The following TRIP10 variants were observed in gnomAD, a reference collection of about 807,000 sequenced individuals.
TRIP10 encodes the protein cdc42-interacting protein 4.
In TRIP10, 54 loss-of-function variants were observed where a neutral mutation model predicts 80.9. The observed-to-expected ratio is 0.67, with a 90% CI of 0.54 to 0.84. TRIP10 has a LOEUF of 0.84. Among genes scored for constraint, TRIP10 ranks in the 40% least tolerant of loss-of-function variants. The pLI, the probability that TRIP10 is intolerant of heterozygous loss-of-function variation, is 0.00. For missense variants in TRIP10, 773 were observed against 815.3 expected (o/e 0.95, Z 0.63); for synonymous variants, 321 against 307.2 (o/e 1.04, Z -0.47).
At chr19:6,742,903 G>A (rs556041711) in intron 3 of TRIP10, 64 bp from the exon 4 acceptor site, 3 of 1,589,560 alleles carry the variant, frequency 1.9e-6, no homozygotes, top group East Asian at 4.5e-5. Flanking sequence ...GTGCGTCCTG[G>A]GGCATCAGCC....
chr19:6,740,068 G>A (rs1222382315), intron 1 of TRIP10, among the ~76,000 whole-genome samples: 1 of 152,124 alleles, frequency 6.6e-6, no homozygotes, highest in Non-Finnish European at 1.5e-5. Context: ...GCTGAGAGAG[G>A]TCACCTATTT....
Position 6,742,816 on chromosome 19 carries a change from G to A in TRIP10, c.198-151G>A, listed in dbSNP as rs887696171. On this transcript the variant is annotated intron_variant, in intron 3 of 14. Transcript: ENST00000313244. ...AAAAAAAAATCTACTCAAGGGTTGG[G>A]GTTAAGGAATATGGACCAGAATTTG... The A allele has an allele frequency of 2.4e-5, 25 of 1,044,512 alleles. No homozygotes were observed. In the African/African-American group the frequency reaches 3.9e-4, roughly 16 times the overall value. The allele number at this position is 1,044,512 out of a possible 1,614,324, so 64.7% of individuals were successfully genotyped here.
At position 6,751,511 on chromosome 19, in the gene TRIP10, T is replaced by G; in HGVS notation, c.*300T>G. The G allele has an allele frequency of 1.7e-6, 1 of 582,192 alleles. No homozygotes were observed. The highest frequency in any genetic ancestry group is 2.6e-6 in the Non-Finnish European group (1 of 381,536). 36.1% of individuals were successfully genotyped at this position (582,192 alleles called of 1,614,324 possible). On this transcript the variant is annotated 3_prime_UTR_variant, in exon 15 of 15. Transcript: ENST00000313244. ...AAAAAAAAAAAGAAATTATATAAAG[T>G]TCCTAGAGTCGGTGTCTTATTAGAG...
rs1969131869 is a variant in TRIP10 at position 6,746,348 on chromosome 19, T to TCAAG, written c.1153-103_1153-100dup. On this transcript the variant is annotated intron_variant, in intron 10 of 14. Coordinates refer to ENST00000313244, the MANE Select transcript of TRIP10 (RefSeq NM_001288962.2). This position sits in a 1 kb window ranked among gnomAD's most constrained non-coding sequence, Gnocchi z 6.2. The stretch of plus-strand genomic sequence containing the variant: ...CTTTGCTCTGTGCATGGCTTCGCTG[T>TCAAG]CAAGAACCATGGCTGGGGAAGGGAG... 14 of 1,549,740 alleles carry TCAAG rather than the reference T, an allele frequency of 9.0e-6. No homozygotes were observed. Among genetic ancestry groups the TCAAG allele is most frequent in the Middle Eastern group, 1.7e-4 (1 of 5,798 alleles).
rs112745359 is a variant in TRIP10, at chr19:6,744,615, C to T, written c.704C>T (p.Ser235Leu). The T allele has an allele frequency of 1.5e-5, 25 of 1,613,770 alleles. No homozygotes were observed. In the South Asian group the frequency reaches 1.8e-4, roughly 11 times the overall value. ...TRLGAGYGLLSEAELEVVPII... is the reference protein window; with the variant it reads ...TRLGAGYGLLLEAELEVVPII... ...CTGGGTGCCGGGTATGGGCTCCTGT[C>T]GGAGGCCGAGCTGGAGGTGGTGCCC... Residue 235 changes from serine to leucine, a missense_variant, in exon 8 of 15, where the codon TCG becomes TTG. Physicochemically the swap from Ser to Leu is moderately radical, Grantham distance 145. Coordinates refer to ENST00000313244, the MANE Select transcript of TRIP10 (RefSeq NM_001288962.2). This position sits in a 1 kb window ranked among gnomAD's most constrained non-coding sequence, Gnocchi z 4.9.
At position 6,746,642 on chromosome 19, in the gene TRIP10, AT is replaced by A; in HGVS notation, c.1262+85del. On this transcript the variant is annotated intron_variant, in intron 11 of 14. Coordinates refer to ENST00000313244, the MANE Select transcript of TRIP10 (RefSeq NM_001288962.2). The surrounding 1 kb of genome is among the most constrained non-coding windows in gnomAD (Gnocchi z 6.2). ...ACTTCACTTATTTGTTTATTATTTT[AT>A]TTTATTTATTTTATTATATTTTATT... 1 of 928,156 alleles carries A rather than the reference AT, an allele frequency of 1.1e-6. No individual in the cohort carries two copies. Among genetic ancestry groups the A allele is most frequent in the Non-Finnish European group, 1.5e-6 (1 of 671,624 alleles). The allele number at this position is 928,156 out of a possible 1,614,324, so 57.5% of individuals were successfully genotyped here.
rs1329310328 is a variant in TRIP10 at position 6,750,273 on chromosome 19, T to C, written c.1396-19T>C. ...CCGGAGCTCTGCCCTGGAACGATTT[T>C]CCTGTCCCCTCCTCCCAGGCGTGGC... On this transcript the variant is annotated intron_variant, in intron 12 of 14. Coordinates refer to ENST00000313244, the MANE Select transcript of TRIP10 (RefSeq NM_001288962.2). 1.2e-6 allele frequency: 2 copies of C among 1,613,398 alleles called. No individual in the cohort carries two copies.
chr19:6,746,648 T>C lies in TRIP10; in HGVS notation c.1262+87T>C. The C allele has an allele frequency of 3.2e-6, 3 of 945,174 alleles. No homozygotes were observed. The highest frequency in any genetic ancestry group is 2.4e-5 in the South Asian group (1 of 40,972). 58.5% of individuals were successfully genotyped at this position (945,174 alleles called of 1,614,324 possible). A position where few individuals can be genotyped will look rare whatever the true frequency, so the allele number is the denominator to read the frequency against. ...CTTATTTGTTTATTATTTTATTTTA[T>C]TTATTTTATTATATTTTATTTTGTG... On this transcript the variant is annotated intron_variant, in intron 11 of 14. Transcript: ENST00000313244. The surrounding 1 kb of genome is among the most constrained non-coding windows in gnomAD (Gnocchi z 6.2).
At chr19:6,742,283 A>G (rs1022412383) in intron 3 of TRIP10, among the ~76,000 whole-genome samples, 28 of 151,676 alleles carry the variant, frequency 1.8e-4, no homozygotes, top group African/African-American at 6.3e-4. Flanking sequence ...CCAGCTACTC[A>G]GGAGGCTGAG....
rs1968905748 is a variant in TRIP10, at chr19:6,741,135, TG to T, written c.140+14del. 6.2e-7 allele frequency: 1 copy of T among 1,614,052 alleles called. No individual in the cohort carries two copies. Among genetic ancestry groups the T allele is most frequent in the Non-Finnish European group, 8.5e-7 (1 of 1,179,938 alleles). On this transcript the variant is annotated intron_variant, in intron 2 of 14. Transcript: ENST00000313244. ...ACGCCAAACAACTGCGGTGAGACCCTGGGGTGGACGCTACGGAGGACGCGCC... is the reference window on the plus strand; with the variant it reads ...ACGCCAAACAACTGCGGTGAGACCCTGGGTGGACGCTACGGAGGACGCGCC...
intron 3 of TRIP10, 129 bp downstream of exon 3, chr19:6,741,410 T>TG: frequency 9.2e-7 from 1 of 1,084,536 alleles, no homozygotes; most frequent in East Asian, 2.6e-5. Context: ...AGAGCATGGA[T>TG]GCAAGATGCG....
Position 6,739,803 on chromosome 19 carries a change from G to A in TRIP10, c.24+18G>A, listed in dbSNP as rs1276606196. 4 of 1,456,208 alleles carry A rather than the reference G, an allele frequency of 2.7e-6. No homozygotes were observed. Among genetic ancestry groups the A allele is most frequent in the Non-Finnish European group, 2.7e-6 (3 of 1,098,264 alleles). 90.2% of individuals were successfully genotyped at this position (1,456,208 alleles called of 1,614,324 possible). ...AGCTGTGGGTAAGTCCAATCGGCCCGCCTCTAAGTTCCCCTTTGCTGGGGT... is the reference window on the plus strand; with the variant it reads ...AGCTGTGGGTAAGTCCAATCGGCCCACCTCTAAGTTCCCCTTTGCTGGGGT... On this transcript the variant is annotated intron_variant, in intron 1 of 14. Transcript: ENST00000313244.
Position 6,746,603 on chromosome 19 carries a change from A to C in TRIP10, c.1262+42A>C, listed in dbSNP as rs901643248. On this transcript the variant is annotated intron_variant, in intron 11 of 14. Transcript: ENST00000313244. The surrounding 1 kb of genome is among the most constrained non-coding windows in gnomAD (Gnocchi z 6.2). ...GGGAAGGACAGGCAAGGAACATGATAAAATAGTAAATGAACTTCACTTATT... is the reference window on the plus strand; with the variant it reads ...GGGAAGGACAGGCAAGGAACATGATCAAATAGTAAATGAACTTCACTTATT... 3.5e-6 allele frequency: 5 copies of C among 1,422,174 alleles called. No homozygotes were observed. In the African/African-American group the frequency reaches 4.2e-5, roughly 12 times the overall value. 88.1% of individuals were successfully genotyped at this position (1,422,174 alleles called of 1,614,324 possible).
At chr19:6,742,886 C>A in intron 3 of TRIP10, 81 bp from the exon 4 acceptor site, 1 of 1,550,324 alleles carries the variant, frequency 6.5e-7, no homozygotes, top group Non-Finnish European at 8.7e-7. Flanking sequence ...CCCTTTTCCA[C>A]CTGGAGGTGC....
intron 2 of TRIP10, 41 bp downstream of exon 2, chr19:6,741,166 G>T (rs1471079101): frequency 6.8e-6 from 11 of 1,613,646 alleles, no homozygotes; most frequent in East Asian, 4.5e-5. Context: ...CGCGCCTGGG[G>T]CGACGGGGAG....
At chr19:6,742,247 A>G (rs998851095) in intron 3 of TRIP10, among the ~76,000 whole-genome samples, 4 of 151,762 alleles carry the variant, frequency 2.6e-5, no homozygotes, top group African/African-American at 4.8e-5. Flanking sequence ...AAAATTAGCC[A>G]GGCGTTGTGG....
chr19:6,746,235 A>G lies in TRIP10; in HGVS notation c.1152+39A>G, dbSNP rs1411853170. Reference sequence around the variant, plus strand: ...CGGGGCAGGAGGAGGTGGTGGCCCTAGCCTGCCCAGCGGCGGGTGGCGGGA... The same window carrying G: ...CGGGGCAGGAGGAGGTGGTGGCCCTGGCCTGCCCAGCGGCGGGTGGCGGGA... On this transcript the variant is annotated intron_variant, in intron 10 of 14. Transcript: ENST00000313244. The surrounding 1 kb of genome is among the most constrained non-coding windows in gnomAD (Gnocchi z 6.2). 6.7e-7 allele frequency: 1 copy of G among 1,496,062 alleles called. No homozygotes were observed. The highest frequency in any genetic ancestry group is 9.0e-7 in the Non-Finnish European group (1 of 1,116,914). The allele number at this position is 1,496,062 out of a possible 1,614,324, so 92.7% of individuals were successfully genotyped here.
Position 6,751,206 on chromosome 19 carries a change from A to C in TRIP10, c.1801A>C (p.Asn601His), listed in dbSNP as rs1391067277. ...VPTSYLRVTLN is the reference protein window; with the variant it reads ...VPTSYLRVTLH ...CACCTCCTACCTCCGAGTCACGCTC[A>C]ATTGAACCCTGCCAGAGACGGGAAG... Residue 601 changes from asparagine (N) to histidine (H), a missense_variant, in exon 15 of 15, where the codon AAT becomes CAT. Asn to His is a moderately conservative substitution (Grantham distance 68, BLOSUM62 1). Coordinates refer to ENST00000313244, the MANE Select transcript of TRIP10 (RefSeq NM_001288962.2). The C allele has an allele frequency of 6.2e-7, 1 of 1,613,948 alleles. No individual in the cohort carries two copies. The highest frequency in any genetic ancestry group is 8.5e-7 in the Non-Finnish European group (1 of 1,179,970).
In TRIP10 at chr19:6,751,357, C is replaced by T. The variant is rs1969303107; in HGVS notation, c.*146C>T. 1 of 1,463,524 alleles carries T rather than the reference C, an allele frequency of 6.8e-7. No homozygotes were observed. The highest frequency in any genetic ancestry group is 9.1e-7 in the Non-Finnish European group (1 of 1,100,004). 90.7% of individuals were successfully genotyped at this position (1,463,524 alleles called of 1,614,324 possible). On this transcript the variant is annotated 3_prime_UTR_variant, in exon 15 of 15. Coordinates refer to ENST00000313244, the MANE Select transcript of TRIP10 (RefSeq NM_001288962.2). ...TGCCCCCTCCACCCCCAACCCAGTC[C>T]TACCTGTCACACCGGACGGACCCGC...
Sources: allele counts gnomAD v4.1 joint callset (sites outside exome capture counted in the v4.1 genomes callset), GRCh38; gene constraint gnomAD v4.1.1; non-coding constraint Gnocchi (gnomAD v3.1); transcripts MANE v1.5; gene names NCBI Gene and HGNC (gene_info 2026-07-23, HGNC 2026-07-21).